The following CFAP54 variants were observed in gnomAD, a reference collection of about 807,000 sequenced individuals.
CFAP54 encodes the protein cilia and flagella associated protein 54.
CFAP54 carries 290 observed loss-of-function variants against 370.4 expected under a neutral mutation model. That is an observed-to-expected ratio of 0.78 (90% CI 0.71 to 0.86). The LOEUF is 0.86. Ranked by LOEUF, CFAP54 falls within the 40% of genes least tolerant of loss-of-function variation. The probability of loss-of-function intolerance (pLI) is 0.00; values close to 1 mark genes in which losing one functional copy is unlikely to be tolerated. For missense variants in CFAP54, 3,399 were observed against 3,528.7 expected, an observed-to-expected ratio of 0.96 and a Z score of 0.93; for synonymous variants, 1,206 against 1,236.5, an observed-to-expected ratio of 0.98 and a Z score of 0.52.
At chr12:96,770,789 T>C (rs945006677) in intron 60 of CFAP54, among the ~76,000 whole-genome samples, 3 of 152,254 alleles carry the variant, frequency 2.0e-5, no homozygotes, top group Non-Finnish European at 4.4e-5. Flanking sequence ...GGCAAGGTGC[T>C]CATTCAGAGA....
chr12:96,556,733 C>G (rs1449529113), intron 17 of CFAP54, among the ~76,000 whole-genome samples: 2 of 152,120 alleles, frequency 1.3e-5, no homozygotes, highest in Non-Finnish European at 2.9e-5. Context: ...TAAAAAGGAA[C>G]AAGATCATAT....
intron 15 of CFAP54, among the ~76,000 whole-genome samples, chr12:96,550,468 T>C (rs1388749108): frequency 2.0e-5 from 3 of 152,130 alleles, no homozygotes; most frequent in Non-Finnish European, 4.4e-5. Flanking sequence ...TCCCAGCTAC[T>C]TGGGAGGCTG....
chr12:96,554,709 C>T lies in CFAP54; in HGVS notation c.2317C>T (p.Pro773Ser), dbSNP rs377298636. The T allele has an allele frequency of 2.5e-4, 379 of 1,534,346 alleles. No individual in the cohort carries two copies. In the South Asian group the frequency reaches 4.3e-3, roughly 17 times the overall value. Residue 773 changes from proline to serine, a missense_variant, in exon 17 of 68, where the codon CCA becomes TCA. Pro to Ser is a moderately conservative substitution (Grantham distance 74). This residue lies in a region of CFAP54 where 2,796 missense variants were observed against 2,869.7 expected (regional missense o/e 0.97). Transcript: ENST00000524981. ...CCATATAGATGGAGATACTTACAAACCACTTGCCTCAAATAGTTTCATGAT... is the reference window on the plus strand; with the variant it reads ...CCATATAGATGGAGATACTTACAAATCACTTGCCTCAAATAGTTTCATGAT... ...THHIDGDTYK[P>S]LASNSFMMDL... is the part of the protein sequence containing the mutation.
At chr12:96,697,804 T>C (rs992753762) in intron 45 of CFAP54, among the ~76,000 whole-genome samples, 5 of 152,178 alleles carry the variant, frequency 3.3e-5, no homozygotes, top group Admixed American at 2.0e-4. Flanking sequence ...GTTAGGGCCC[T>C]GTCCTGTTTA....
Position 96,700,823 on chromosome 12 carries a change from A to G in CFAP54, c.6474+730A>G, listed in dbSNP as rs561737223. Among the ~76,000 whole-genome samples, 80 of 152,256 alleles carry G rather than the reference A, an allele frequency of 5.3e-4. No homozygotes were observed. In the Middle Eastern group the frequency reaches 0.01, roughly 19 times the overall value. ...ATAAAGGAAATGGGAGAAGGTAGCA[A>G]GTCAGTTTGCCTGGGAGAGAGTGTG... is the stretch of plus-strand genomic sequence containing the variant. On this transcript the variant is annotated intron_variant, in intron 46 of 67. Transcript: ENST00000524981.
chr12:96,601,285 CTT>C (rs892425713), intron 26 of CFAP54, among the ~76,000 whole-genome samples: 76 of 152,322 alleles, frequency 5.0e-4, no homozygotes, highest in African/African-American at 1.7e-3. Flanking sequence ...GTGAACCAGC[CTT>C]GCATCCCAGG....
In CFAP54 at chr12:96,581,022, G is replaced by A. The variant is rs769747505; in HGVS notation, c.2992G>A (p.Gly998Ser). The part of the protein sequence containing the change: ...AAYSNNGKLV[G>S]GAIGETTKPI... ...CTATTCTAACAACGGAAAGCTTGTC[G>A]GTGGTGCTATTGGGGAGACAACTAA... The change falls in exon 22 of 68, where the codon GGT becomes AGT. Residue 998 changes from glycine (G) to serine (S), a missense_variant. By Grantham distance (56) the Gly-to-Ser change is moderately conservative (BLOSUM62 0). Transcript: ENST00000524981. 7.2e-5 allele frequency: 111 copies of A among 1,533,812 alleles called. No homozygotes were observed. Among genetic ancestry groups the A allele is most frequent in the Non-Finnish European group, 9.1e-5 (104 of 1,145,588 alleles).
At chr12:96,653,698 GA>G (rs1039231694) in intron 36 of CFAP54, among the ~76,000 whole-genome samples, 14 of 150,758 alleles carry the variant, frequency 9.3e-5, no homozygotes, top group Non-Finnish European at 1.5e-4. Context: ...TTTATATATA[GA>G]AAAAAAGAGC....
Position 96,603,850 on chromosome 12 carries a change from G to A in CFAP54, c.3639+5083G>A, listed in dbSNP as rs533223287. On this transcript the variant is annotated intron_variant, in intron 26 of 67. Coordinates refer to ENST00000524981, the MANE Select transcript of CFAP54 (RefSeq NM_001306084.2). ...TCTACACTGTTTATTCTAGTTAGCC[G>A]TTCGTCTAACCTTTTTTCAAGGTTT... Among the ~76,000 whole-genome samples, 52 of 152,258 alleles carry A rather than the reference G, an allele frequency of 3.4e-4. 1 individual carries two copies. The highest frequency in any genetic ancestry group is 1.1e-3 in the African/African-American group (44 of 41,548).
intron 17 of CFAP54, among the ~76,000 whole-genome samples, chr12:96,555,575 T>C (rs1479537113): frequency 6.7e-6 from 1 of 148,448 alleles, no homozygotes; most frequent in African/African-American, 2.4e-5. Flanking sequence ...TAATATATAA[T>C]ATGTAATATA....
intron 40 of CFAP54, among the ~76,000 whole-genome samples, chr12:96,680,129 A>G (rs1957254260): frequency 6.6e-6 from 1 of 152,264 alleles, no homozygotes; most frequent in Non-Finnish European, 1.5e-5. Flanking sequence ...ACCTTTTGCC[A>G]AAACACTACT....
intron 67 of CFAP54, among the ~76,000 whole-genome samples, chr12:96,865,642 C>T (rs1233746294): frequency 6.6e-6 from 1 of 152,062 alleles, no homozygotes; most frequent in Non-Finnish European, 1.5e-5. Context: ...TTAGTCTCTA[C>T]TTCTTTTGCA....
rs766286224 is a variant in CFAP54 at position 96,489,673 on chromosome 12, C to T, written c.64C>T (p.Pro22Ser). The T allele has an allele frequency of 2.8e-5, 43 of 1,535,896 alleles. No individual in the cohort carries two copies. The South Asian group carries it at 4.8e-4, about 17-fold the overall frequency. The change falls in exon 1 of 68, where the codon CCA (proline) becomes TCA (serine). Residue 22 changes from proline to serine, a missense_variant. Coordinates refer to ENST00000524981, the MANE Select transcript of CFAP54 (RefSeq NM_001306084.2). Reference protein sequence around the residue: ...SDDSTTSGSLPELPPTSTATS... With the variant: ...SDDSTTSGSLSELPPTSTATS... ...CGACTCTACCACCTCGGGGTCTCTG[C>T]CAGAACTGCCGCCGACCTCCACCGC...
intron 49 of CFAP54, among the ~76,000 whole-genome samples, 193 bp downstream of exon 49, chr12:96,718,715 T>G (rs748750268): frequency 6.6e-6 from 1 of 152,202 alleles, no homozygotes; most frequent in Non-Finnish European, 1.5e-5. Flanking sequence ...TGTCCAGCTT[T>G]GACTTCACAA....
chr12:96,740,658 T>C (rs10860082), intron 51 of CFAP54, among the ~76,000 whole-genome samples: 56,538 of 152,126 alleles, frequency 0.37, 11,562 homozygotes, highest in East Asian at 0.68. Context: ...ATATCTAGCA[T>C]CATTACAAAT....
Position 96,644,296 on chromosome 12 carries a change from C to G in CFAP54, c.4435C>G (p.Pro1479Ala), listed in dbSNP as rs1356779562. ...CCATCGTCTATCACTTGAAGAGATGCCCTGGAGAGCTCAGATGAACCTGTA... is the reference window on the plus strand; with the variant it reads ...CCATCGTCTATCACTTGAAGAGATGGCCTGGAGAGCTCAGATGAACCTGTA... ...RFHRLSLEEMPWRAQMNLYLA... is the reference protein window; with the variant it reads ...RFHRLSLEEMAWRAQMNLYLA... The change falls in exon 33 of 68, where the codon CCC (proline) becomes GCC (alanine). Residue 1479 changes from proline to alanine, a missense_variant. Physicochemically the swap from Pro to Ala is conservative, Grantham distance 27. Coordinates refer to ENST00000524981, the MANE Select transcript of CFAP54 (RefSeq NM_001306084.2). The G allele has an allele frequency of 3.3e-6, 5 of 1,535,448 alleles. No individual in the cohort carries two copies. Among genetic ancestry groups the G allele is most frequent in the Non-Finnish European group, 4.4e-6 (5 of 1,146,468 alleles).
rs558504807 is a variant in CFAP54, at chr12:96,495,370, G to T, written c.317+5444G>T. ...TCGCCCAGGCTGGAGTGCAGTAGCC[G>T]GATCTTGGCTCACTGCTACGTCTGC... On this transcript the variant is annotated intron_variant, in intron 1 of 67. Coordinates refer to ENST00000524981, the MANE Select transcript of CFAP54 (RefSeq NM_001306084.2). Among the ~76,000 whole-genome samples, 4 of 151,348 alleles carry T rather than the reference G, an allele frequency of 2.6e-5. No individual in the cohort carries two copies. The South Asian group carries it at 8.4e-4, about 32-fold the overall frequency.
chr12:96,577,916 G>A (rs1291674606), intron 20 of CFAP54, among the ~76,000 whole-genome samples: 1 of 152,002 alleles, frequency 6.6e-6, no homozygotes, highest in Non-Finnish European at 1.5e-5. Flanking sequence ...TAAAAAATTA[G>A]CTGGGCGTTG....
rs1208583585 is a variant in CFAP54, at chr12:96,548,933, C to T, written c.2154+955C>T. Among the ~76,000 whole-genome samples, 4 of 151,892 alleles carry T rather than the reference C, an allele frequency of 2.6e-5. No homozygotes were observed. The East Asian group carries it at 7.7e-4, about 29-fold the overall frequency. On this transcript the variant is annotated intron_variant, in intron 15 of 67. Coordinates refer to ENST00000524981, the MANE Select transcript of CFAP54 (RefSeq NM_001306084.2). ...GCAGTGGCGCACTCTTGGCTCACTG[C>T]AACCTCTGCCTTCCAGGTTCAAGCC...
Sources: allele counts gnomAD v4.1 joint callset (sites outside exome capture counted in the v4.1 genomes callset), GRCh38; gene constraint gnomAD v4.1.1; regional missense constraint gnomAD v4.1.1; transcripts MANE v1.5; gene names NCBI Gene and HGNC (gene_info 2026-07-23, HGNC 2026-07-21).